The following PDZD2 variants were observed in gnomAD, a reference collection of about 807,000 sequenced individuals.
The protein encoded by PDZD2 is PDZ domain containing 2.
In PDZD2, 90 loss-of-function variants were observed where a neutral mutation model predicts 220.7. The observed-to-expected ratio is 0.41, with a 90% CI of 0.34 to 0.49. The LOEUF (loss-of-function observed/expected upper bound fraction) is 0.49, where lower values mean the gene tolerates loss of function less well. Ranked by LOEUF, PDZD2 falls within the 20% of genes least tolerant of loss-of-function variation. The pLI is 0.28. For synonymous variants in PDZD2, 1,375 were observed against 1,450.5 expected, an observed-to-expected ratio of 0.95 and a Z score of 1.18; for missense variants, 3,174 against 3,608.5, an observed-to-expected ratio of 0.88 and a Z score of 3.08.
At chr5:31,939,518 G>A (rs1343560093) in intron 2 of PDZD2, among the ~76,000 whole-genome samples, 2 of 152,204 alleles carry the variant, frequency 1.3e-5, no homozygotes, top group Admixed American at 1.3e-4. Context: ...GAAGGCTCAG[G>A]CTGGAGGGTG....
intron 10 of PDZD2, among the ~76,000 whole-genome samples, chr5:32,056,989 G>A (rs923284406): frequency 6.6e-6 from 1 of 151,916 alleles, no homozygotes; most frequent in Non-Finnish European, 1.5e-5. Flanking sequence ...AGCTATTCAG[G>A]AGGCTGAGGC....
At chr5:31,930,362 T>A (rs1745169048) in intron 2 of PDZD2, among the ~76,000 whole-genome samples, 1 of 151,848 alleles carries the variant, frequency 6.6e-6, no homozygotes, top group Admixed American at 6.6e-5. Flanking sequence ...GCCCGGCTAA[T>A]TTTTTTGTAT....
At chr5:32,101,068 C>T (rs1158261940) in intron 23 of PDZD2, 37 bp from the exon 24 acceptor site, 1 of 1,613,130 alleles carries the variant, frequency 6.2e-7, no homozygotes, top group Admixed American at 1.7e-5. Flanking sequence ...GATGAACAAC[C>T]CTGTCATTTT....
intron 1 of PDZD2, among the ~76,000 whole-genome samples, chr5:31,683,466 T>G (rs1032757796): frequency 2.0e-5 from 3 of 152,154 alleles, no homozygotes; most frequent in African/African-American, 7.2e-5. Flanking sequence ...ATGGAAAATA[T>G]GTACATGGTT....
rs114951644 is a variant in PDZD2 at position 31,815,516 on chromosome 5, A to T, written c.476+15792A>T. 8.7e-3 allele frequency among the ~76,000 whole-genome samples: 1,319 copies of T among 152,266 alleles called. 17 individuals carry two copies. The highest frequency in any genetic ancestry group is 0.029 in the African/African-American group (1,219 of 41,570). On this transcript the variant is annotated intron_variant, in intron 2 of 24. Coordinates refer to ENST00000438447, the MANE Select transcript of PDZD2 (RefSeq NM_178140.4). Reference sequence around the variant, plus strand: ...GATGCTATACTAGAGTCAGGTCAGCATCTGGTGTCTCACTGCTACAAAGAG... The same window carrying T: ...GATGCTATACTAGAGTCAGGTCAGCTTCTGGTGTCTCACTGCTACAAAGAG...
intron 1 of PDZD2, among the ~76,000 whole-genome samples, chr5:31,778,985 A>C (rs1173749980): frequency 6.6e-6 from 1 of 151,752 alleles, no homozygotes; most frequent in Non-Finnish European, 1.5e-5. Flanking sequence ...CTTTCTCCTC[A>C]CATATTATGG....
At chr5:31,850,014 ACACG>A (rs1757903909) in intron 2 of PDZD2, among the ~76,000 whole-genome samples, 2 of 106,076 alleles carry the variant, frequency 1.9e-5, no homozygotes, top group Non-Finnish European at 3.7e-5. Context: ...ATATACACAC[ACACG>A]TATATACTCA....
intron 2 of PDZD2, among the ~76,000 whole-genome samples, chr5:31,863,439 G>A (rs567422163): frequency 6.6e-6 from 1 of 152,276 alleles, no homozygotes; most frequent in South Asian, 2.1e-4. Context: ...TTTTCCAGGT[G>A]GTTTCTTCTC....
At chr5:31,835,239 A>G (rs2150275724) in intron 2 of PDZD2, among the ~76,000 whole-genome samples, 1 of 152,330 alleles carries the variant, frequency 6.6e-6, no homozygotes, top group East Asian at 1.9e-4. Context: ...CATCATTGAG[A>G]TGAGATCACT....
At chr5:31,936,414 C>T in intron 2 of PDZD2, 1 of 840,468 alleles carries the variant, frequency 1.2e-6, no homozygotes, top group South Asian at 5.5e-5. Flanking sequence ...ACAGGTCTTC[C>T]AAGGGTTTAT....
intron 24 of PDZD2, among the ~76,000 whole-genome samples, chr5:32,104,716 TAAAAA>T (rs755177769): frequency 6.0e-4 from 18 of 30,052 alleles, no homozygotes; most frequent in African/African-American, 1.2e-3. Flanking sequence ...AGGCTCCATC[TAAAAA>T]AAAAAAAAAA....
chr5:31,733,686 G>A (rs1288379313), intron 1 of PDZD2, among the ~76,000 whole-genome samples: 2 of 152,178 alleles, frequency 1.3e-5, no homozygotes, highest in Non-Finnish European at 2.9e-5. Context: ...TGGGAACGAA[G>A]CCAGTACATT....
intron 2 of PDZD2, among the ~76,000 whole-genome samples, chr5:31,955,598 G>A (rs764267158): frequency 9.2e-5 from 14 of 151,730 alleles, no homozygotes; most frequent in Admixed American, 1.3e-4. Flanking sequence ...CACCATGCCC[G>A]GCCCTTTGTG....
rs1253410311 is a variant in PDZD2 at position 32,091,117 on chromosome 5, G to T, written c.7669G>T (p.Ala2557Ser). The change falls in exon 20 of 25, where the codon GCC (alanine) becomes TCC (serine). Residue 2557 changes from alanine (A) to serine (S), a missense_variant. Physicochemically the swap from Ala to Ser is moderately conservative, Grantham distance 99. Around this residue, in one of 4 missense-constraint regions of PDZD2, gnomAD observed 631 missense variants for 789.9 expected, o/e 0.80. Transcript: ENST00000438447. The part of the protein sequence containing the change: ...KTSAAETPSS[A>S]SDTGEAAQDL... ...CAGTGCTGCTGAGACACCCAGTTCA[G>T]CCAGTGATACGGGTGAAGCTGCCCA... The T allele has an allele frequency of 6.3e-7, 1 of 1,598,650 alleles. No individual in the cohort carries two copies. The highest frequency in any genetic ancestry group is 1.1e-5 in the South Asian group (1 of 90,652).
Position 31,813,449 on chromosome 5 carries a change from C to CAAAAAAA in PDZD2, c.476+13745_476+13751dup, listed in dbSNP as rs60551914. 1.8e-4 allele frequency among the ~76,000 whole-genome samples: 17 copies of CAAAAAAA among 94,200 alleles called. 1 individual carries two copies. The highest frequency in any genetic ancestry group is 5.9e-4 in the African/African-American group (14 of 23,540). The allele number at this position is 94,200 out of a possible 152,430, so 61.8% of individuals were successfully genotyped here. A position where few individuals can be genotyped will look rare whatever the true frequency, so the allele number is the denominator to read the frequency against. On this transcript the variant is annotated intron_variant, in intron 2 of 24. Transcript: ENST00000438447. ...TGGGCGACAGAGCGAGACTCCGTCT[C>CAAAAAAA]AAAAAAAAAAAAAAAAAAAAAAAAA... is the stretch of plus-strand genomic sequence containing the variant.
intron 2 of PDZD2, among the ~76,000 whole-genome samples, chr5:31,907,781 A>C (rs7712010): frequency 0.47 from 71,243 of 152,030 alleles, 18,802 homozygotes; most frequent in Non-Finnish European, 0.6. Flanking sequence ...AATTAAATGA[A>C]GGCATAAGAA....
chr5:31,804,690 G>A (rs1206458643), intron 2 of PDZD2, among the ~76,000 whole-genome samples: 3 of 131,180 alleles, frequency 2.3e-5, no homozygotes, highest in African/African-American at 5.2e-5. Flanking sequence ...GTCCTTGTGC[G>A]ATACTACCTC....
chr5:32,072,740 T>A (rs1267353670), intron 17 of PDZD2, among the ~76,000 whole-genome samples: 1 of 152,232 alleles, frequency 6.6e-6, no homozygotes, highest in East Asian at 1.9e-4. Flanking sequence ...ATGCAGCCAC[T>A]GTTAGTGACT....
chr5:31,923,700 G>T (rs113035122), intron 2 of PDZD2, among the ~76,000 whole-genome samples: 5 of 152,214 alleles, frequency 3.3e-5, no homozygotes, highest in African/African-American at 1.2e-4. Context: ...ACTTATGATA[G>T]AATGTATCAG....
Sources: allele counts gnomAD v4.1 joint callset (sites outside exome capture counted in the v4.1 genomes callset), GRCh38; gene constraint gnomAD v4.1.1; regional missense constraint gnomAD v4.1.1; transcripts MANE v1.5; gene names NCBI Gene and HGNC (gene_info 2026-07-23, HGNC 2026-07-21).